Variants in OTOF observed in about 807,000 individuals in gnomAD.
The protein encoded by OTOF is otoferlin, also known as fer-1-like family member 2.
Under a neutral mutation model 236.8 loss-of-function variants are expected in OTOF, and 218 were observed. That is an observed-to-expected ratio of 0.92 (90% CI 0.82 to 1.03). The LOEUF is 1.03. OTOF is among the 50% of genes least tolerant of loss of function. OTOF has a pLI of 0.00. For synonymous variants in OTOF, 1,041 were observed against 1,072.5 expected, an observed-to-expected ratio of 0.97 and a Z score of 0.57; for missense variants, 2,590 against 2,694.4, an observed-to-expected ratio of 0.96 and a Z score of 0.86.
chr2:26,516,302 C>T, intron 5 of OTOF, 116 bp downstream of exon 5: 1 of 952,574 alleles, frequency 1.0e-6, no homozygotes, highest in Non-Finnish European at 1.6e-6. Flanking sequence ...TCCAGAAGCT[C>T]AGCCCTGTAC....
At chr2:26,516,254 G>T (rs1000789942) in intron 5 of OTOF, among the ~76,000 whole-genome samples, 164 bp downstream of exon 5, 1 of 152,134 alleles carries the variant, frequency 6.6e-6, no homozygotes, top group Non-Finnish European at 1.5e-5. Flanking sequence ...GGCTGGGTGG[G>T]GGGCTACAGA....
rs763032357 is a variant in OTOF, at chr2:26,465,790, C to T, written c.4681G>A (p.Val1561Met). ...FPMESMLTVAVYDWDLVGTDD... is the reference protein window; with the variant it reads ...FPMESMLTVAMYDWDLVGTDD... ...GTGCCCACCAGGTCCCAGTCATACA[C>T]AGCCACCGTCAGCATGGATTCCATG... The change falls in exon 38 of 47, where the codon GTG becomes ATG. Residue 1561 changes from valine to methionine, a missense_variant. By Grantham distance (21) the Val-to-Met change is conservative. Transcript: ENST00000272371. 5 of 1,614,128 alleles carry T rather than the reference C, an allele frequency of 3.1e-6. No individual in the cohort carries two copies. Among genetic ancestry groups the T allele is most frequent in the East Asian group, 2.2e-5 (1 of 44,900 alleles).
At chr2:26,524,937 G>T (rs1037927907) in intron 3 of OTOF, among the ~76,000 whole-genome samples, 5 of 152,180 alleles carry the variant, frequency 3.3e-5, no homozygotes, top group African/African-American at 1.2e-4. Flanking sequence ...GGGGCTCTCA[G>T]GTGCCCTCCC....
intron 1 of OTOF, among the ~76,000 whole-genome samples, chr2:26,555,240 G>T (rs532707044): frequency 6.6e-6 from 1 of 152,184 alleles, no homozygotes; most frequent in African/African-American, 2.4e-5. Context: ...GGAACTGCAG[G>T]CCTCTGAGCT....
Position 26,477,325 on chromosome 2 carries a change from G to C in OTOF, c.2407-37C>G. On this transcript the variant is annotated intron_variant, in intron 20 of 46. Coordinates refer to ENST00000272371, the MANE Select transcript of OTOF (RefSeq NM_194248.3). This position sits in a 1 kb window ranked among gnomAD's most constrained non-coding sequence, Gnocchi z 4.7. The stretch of plus-strand genomic sequence containing the variant: ...GGGGTGTCAGTGAACCCAGCAACTG[G>C]GGGACAGCTCGGGCCATGACAAAGG... The C allele has an allele frequency of 1.2e-6, 2 of 1,600,384 alleles. No homozygotes were observed. The highest frequency in any genetic ancestry group is 1.7e-4 in the Middle Eastern group (1 of 6,036).
Position 26,462,234 on chromosome 2 carries a change from G to C in OTOF, c.5193-53C>G. The C allele has an allele frequency of 6.7e-7, 1 of 1,503,698 alleles. No homozygotes were observed. 93.1% of individuals were successfully genotyped at this position (1,503,698 alleles called of 1,614,324 possible). A position where few individuals can be genotyped will look rare whatever the true frequency, so the allele number is the denominator to read the frequency against. On this transcript the variant is annotated intron_variant, in intron 41 of 46. Coordinates refer to ENST00000272371, the MANE Select transcript of OTOF (RefSeq NM_194248.3). This position sits in a 1 kb window ranked among gnomAD's most constrained non-coding sequence, Gnocchi z 4.7. Reference sequence around the variant, plus strand: ...GCAGCCCCAGGTGGGGGTTATGCCAGGGTGCCAGGGCTGGGATGGGGCAGG... The same window carrying C: ...GCAGCCCCAGGTGGGGGTTATGCCACGGTGCCAGGGCTGGGATGGGGCAGG...
intron 3 of OTOF, among the ~76,000 whole-genome samples, chr2:26,524,120 T>G (rs1421628489): frequency 6.6e-6 from 1 of 152,250 alleles, no homozygotes; most frequent in Non-Finnish European, 1.5e-5. Flanking sequence ...TGGGGTTTCC[T>G]GCCTTCTCTT....
chr2:26,466,962 T>G (rs1664757042), intron 35 of OTOF, 111 bp from the exon 36 acceptor site: 1 of 1,567,098 alleles, frequency 6.4e-7, no homozygotes, highest in South Asian at 1.1e-5. Context: ...GCCTTCACCC[T>G]TTAACTGCTG....
rs1173682184 is a variant in OTOF at position 26,464,860 on chromosome 2, C to A, written c.4960+9G>T. 1.2e-6 allele frequency: 2 copies of A among 1,601,818 alleles called. No individual in the cohort carries two copies. The highest frequency in any genetic ancestry group is 3.4e-5 in the Admixed American group (2 of 59,184). ...AGGGGGCAGGCGGCTGCATCCAGTGCCCCATTACCGTTCTCGTCCTCAATC... is the reference window on the plus strand; with the variant it reads ...AGGGGGCAGGCGGCTGCATCCAGTGACCCATTACCGTTCTCGTCCTCAATC... On this transcript the variant is annotated intron_variant, in intron 39 of 46. Transcript: ENST00000272371.
intron 13 of OTOF, among the ~76,000 whole-genome samples, 177 bp downstream of exon 13, chr2:26,483,285 C>T (rs1019340347): frequency 9.2e-5 from 14 of 152,082 alleles, no homozygotes. Context: ...ATGCCCCCTG[C>T]GCAGCTCTCA....
chr2:26,472,612 C>T lies in OTOF; in HGVS notation c.3771G>A (p.Gly1257=), dbSNP rs1339877637. The change falls in exon 30 of 47, where the codon GGG becomes GGA. Residue 1257 remains glycine, a synonymous_variant. Transcript: ENST00000272371. The part of the protein sequence containing the change: ...LLRRCRVLCN[G]GSSSHSTGEV... ...CCCCTGTGGAGTGAGAGGAGGAGCC[C>T]CCATTGCACAGCACACGGCAGCGCC... The T allele has an allele frequency of 6.2e-7, 1 of 1,613,340 alleles. No individual in the cohort carries two copies. The highest frequency in any genetic ancestry group is 1.1e-5 in the South Asian group (1 of 91,070).
chr2:26,482,954 T>G (rs1665594285), intron 13 of OTOF, among the ~76,000 whole-genome samples: 1 of 141,260 alleles, frequency 7.1e-6, no homozygotes, highest in Non-Finnish European at 1.5e-5. Context: ...TGGGTGCATG[T>G]GTGCACGTGT....
chr2:26,530,228 G>A (rs1666910797), intron 2 of OTOF, among the ~76,000 whole-genome samples: 2 of 152,120 alleles, frequency 1.3e-5, no homozygotes, highest in Admixed American at 1.3e-4. Context: ...AAAGGGAGGT[G>A]GGGTGTTGAA....
chr2:26,546,295 T>C (rs926220402), intron 1 of OTOF, among the ~76,000 whole-genome samples: 4 of 152,024 alleles, frequency 2.6e-5, no homozygotes, highest in South Asian at 2.1e-4. Context: ...ACCTCGTCTC[T>C]ACTGAAAATA....
At chr2:26,536,156 G>A (rs1480249784) in intron 2 of OTOF, among the ~76,000 whole-genome samples, 1 of 152,106 alleles carries the variant, frequency 6.6e-6, no homozygotes, top group African/African-American at 2.4e-5. Flanking sequence ...CAGGCCGGGT[G>A]TGTAATGGGG....
At chr2:26,495,190 T>C in intron 8 of OTOF, 117 bp from the exon 9 acceptor site, 1 of 986,726 alleles carries the variant, frequency 1.0e-6, no homozygotes, top group South Asian at 1.4e-5. Context: ...GAGCCAGCAC[T>C]GGCCTCCTGG....
chr2:26,464,724 T>G (rs907399486), intron 39 of OTOF, 145 bp downstream of exon 39: 11 of 715,588 alleles, frequency 1.5e-5, no homozygotes, highest in East Asian at 9.0e-5. Context: ...GGCTCTGGGG[T>G]GATGAGCAGA....
At chr2:26,482,648 T>C in intron 13 of OTOF, 56 bp from the exon 14 acceptor site, 3 of 1,293,400 alleles carry the variant, frequency 2.3e-6, no homozygotes, top group Non-Finnish European at 3.3e-6. Flanking sequence ...AGTGGGTGCA[T>C]GTGTGTGTGT....
In OTOF at chr2:26,460,778, G is replaced by A. The variant is rs1446472103; in HGVS notation, c.5713-31C>T. 3 of 1,613,490 alleles carry A rather than the reference G, an allele frequency of 1.9e-6. No homozygotes were observed. The African/African-American group carries it at 4.0e-5, about 22-fold the overall frequency. On this transcript the variant is annotated intron_variant, in intron 44 of 46. Transcript: ENST00000272371. This position sits in a 1 kb window ranked among gnomAD's most constrained non-coding sequence, Gnocchi z 5.3. ...GAGGACAGACAGGTCCCAGCGTCCA[G>A]GCTGCGTGCTGGGCCCTTGGCACCC... is the stretch of plus-strand genomic sequence containing the variant.
Sources: allele counts gnomAD v4.1 joint callset (sites outside exome capture counted in the v4.1 genomes callset), GRCh38; gene constraint gnomAD v4.1.1; non-coding constraint Gnocchi (gnomAD v3.1); transcripts MANE v1.5; gene names NCBI Gene and HGNC (gene_info 2026-07-23, HGNC 2026-07-21).